The following CREG2 variants were observed in gnomAD, a reference collection of about 807,000 sequenced individuals.
CREG2 encodes the protein protein CREG2.
A neutral mutation model predicts 26.2 loss-of-function variants in CREG2; 24 were observed. The observed-to-expected ratio is 0.92, with a 90% CI of 0.66 to 1.29. The LOEUF (loss-of-function observed/expected upper bound fraction) is 1.29, where lower values mean the gene tolerates loss of function less well. CREG2 is among the 50% of genes most tolerant of loss of function. The pLI is 0.00. For synonymous variants in CREG2, 174 were observed against 169.2 expected (o/e 1.03, Z -0.22); for missense variants, 366 against 398.6 (o/e 0.92, Z 0.70).
chr2:101,378,973 T>C (rs1684830903), intron 2 of CREG2, among the ~76,000 whole-genome samples: 1 of 151,318 alleles, frequency 6.6e-6, no homozygotes, highest in African/African-American at 2.4e-5. Context: ...ACCACTGCAC[T>C]CTAGCCTGGG....
chr2:101,370,628 T>G (rs1319478985), intron 2 of CREG2, among the ~76,000 whole-genome samples: 1 of 152,202 alleles, frequency 6.6e-6, no homozygotes, highest in Non-Finnish European at 1.5e-5. Flanking sequence ...TCCTTGAAAG[T>G]GCAGATCCGA....
chr2:101,386,893 G>T, intron 1 of CREG2, 124 bp downstream of exon 1: 1 of 1,010,380 alleles, frequency 9.9e-7, no homozygotes, highest in South Asian at 5.1e-5. Flanking sequence ...GTCCCATCCA[G>T]GGCACCGGGC....
chr2:101,377,068 G>T (rs1248464409), intron 2 of CREG2, among the ~76,000 whole-genome samples: 2 of 152,076 alleles, frequency 1.3e-5, no homozygotes, highest in African/African-American at 4.8e-5. Flanking sequence ...ATTCTAAACT[G>T]AGACTTAATT....
intron 1 of CREG2, among the ~76,000 whole-genome samples, chr2:101,385,671 A>G (rs1349132757): frequency 6.6e-6 from 1 of 152,212 alleles, no homozygotes; most frequent in Non-Finnish European, 1.5e-5. Context: ...TTTTTCAGGA[A>G]CATGAAACGT....
At chr2:101,381,864 G>A (rs1404188334) in intron 2 of CREG2, among the ~76,000 whole-genome samples, 1 of 152,200 alleles carries the variant, frequency 6.6e-6, no homozygotes, top group Non-Finnish European at 1.5e-5. Flanking sequence ...CGTGGCTCTA[G>A]GCTGTGCAGG....
intron 2 of CREG2, among the ~76,000 whole-genome samples, chr2:101,361,280 C>T (rs928299817): frequency 6.6e-6 from 1 of 152,162 alleles, no homozygotes; most frequent in South Asian, 2.1e-4. Context: ...GGCTAATGGC[C>T]CCCCAAAGAT....
chr2:101,382,779 A>G (rs941182550), intron 2 of CREG2: 11 of 985,312 alleles, frequency 1.1e-5, no homozygotes, highest in Non-Finnish European at 1.2e-5. Context: ...TTGATTTTCT[A>G]AAGCATCACT....
chr2:101,351,363 A>G (rs1174548419), intron 3 of CREG2, among the ~76,000 whole-genome samples: 1 of 152,192 alleles, frequency 6.6e-6, no homozygotes, highest in African/African-American at 2.4e-5. Flanking sequence ...GGCACTCACA[A>G]GCCTCTGTCT....
At chr2:101,371,275 G>A (rs72988793) in intron 2 of CREG2, among the ~76,000 whole-genome samples, 2 of 152,256 alleles carry the variant, frequency 1.3e-5, no homozygotes, top group South Asian at 4.1e-4. Flanking sequence ...CGCCCTCCCT[G>A]CAGTGCCTGT....
chr2:101,361,179 T>C (rs190745872), intron 2 of CREG2, among the ~76,000 whole-genome samples: 28 of 152,334 alleles, frequency 1.8e-4, no homozygotes, highest in Non-Finnish European at 2.9e-5. Flanking sequence ...AAGGAGATTA[T>C]ATATTTTAAA....
intron 2 of CREG2, among the ~76,000 whole-genome samples, chr2:101,370,297 T>A (rs1684684983): frequency 6.6e-6 from 1 of 152,194 alleles, no homozygotes; most frequent in South Asian, 2.1e-4. Flanking sequence ...TTAATTTCCA[T>A]CTTTTTTTCT....
chr2:101,374,625 C>T (rs149485553), intron 2 of CREG2, among the ~76,000 whole-genome samples: 5 of 152,330 alleles, frequency 3.3e-5, no homozygotes, highest in African/African-American at 9.6e-5. Context: ...GACAGAGATA[C>T]GTCTTGGCTC....
At chr2:101,352,727 G>A (rs1045045508) in intron 3 of CREG2, among the ~76,000 whole-genome samples, 5 of 152,212 alleles carry the variant, frequency 3.3e-5, no homozygotes, top group Non-Finnish European at 5.9e-5. Context: ...AGACTCACTT[G>A]AACCCAGGAG....
chr2:101,354,489 C>A (rs1684425560), intron 3 of CREG2, among the ~76,000 whole-genome samples: 1 of 152,142 alleles, frequency 6.6e-6, no homozygotes, highest in African/African-American at 2.4e-5. Flanking sequence ...GATCGCCCCT[C>A]CAGCTCAACA....
intron 2 of CREG2, among the ~76,000 whole-genome samples, chr2:101,378,298 G>T (rs1049958165): frequency 1.3e-5 from 2 of 152,146 alleles, no homozygotes; most frequent in Non-Finnish European, 2.9e-5. Flanking sequence ...ACAGTTCTTA[G>T]TAGCCTTTAC....
In CREG2 at chr2:101,387,230, G is replaced by A. The variant is rs1684988069; in HGVS notation, c.228C>T (p.Ala76=). The change falls in exon 1 of 4, where the codon GCC becomes GCT. Residue 76 remains alanine (A), a synonymous_variant. Coordinates refer to ENST00000324768, the MANE Select transcript of CREG2 (RefSeq NM_153836.4). The surrounding 1 kb of genome is among the most constrained non-coding windows in gnomAD (Gnocchi z 4.7). ...GGTGCGCGTCCTCCTTGTGGGCAGA[G>A]GCGGGGAAGCTTTGCTGCCAGATGC... is the stretch of plus-strand genomic sequence containing the variant. ...SGSIWQQSFP[A]SAHKEDAHLR... 2.1e-6 allele frequency: 3 copies of A among 1,431,998 alleles called. No individual in the cohort carries two copies. Among genetic ancestry groups the A allele is most frequent in the African/African-American group, 2.9e-5 (2 of 68,034 alleles). The allele number at this position is 1,431,998 out of a possible 1,614,324, so 88.7% of individuals were successfully genotyped here. A position where few individuals can be genotyped will look rare whatever the true frequency, so the allele number is the denominator to read the frequency against.
Position 101,347,227 on chromosome 2 carries a change from A to C in CREG2, c.*3696T>G, listed in dbSNP as rs1200029204. 1 of 152,206 alleles carries C rather than the reference A, an allele frequency of 6.6e-6. No individual in the cohort carries two copies. The highest frequency in any genetic ancestry group is 1.5e-5 in the Non-Finnish European group (1 of 68,036). The allele number at this position is 152,206 out of a possible 1,614,324, so 9.4% of individuals were successfully genotyped here. Reference sequence around the variant, plus strand: ...CACTGTTTCACCAGCCACCCGTTAAAGGCCATCTGATTTCTCCAAGTTTTT... The same window carrying C: ...CACTGTTTCACCAGCCACCCGTTAACGGCCATCTGATTTCTCCAAGTTTTT... On this transcript the variant is annotated 3_prime_UTR_variant, in exon 4 of 4. Transcript: ENST00000324768.
At chr2:101,386,341 A>C (rs1029965444) in intron 1 of CREG2, among the ~76,000 whole-genome samples, 3 of 152,130 alleles carry the variant, frequency 2.0e-5, no homozygotes, top group Non-Finnish European at 4.4e-5. Flanking sequence ...TAAAACCCCC[A>C]AAAGCCTTCT....
At chr2:101,375,862 C>T (rs72988798) in intron 2 of CREG2, 26,186 of 154,186 alleles carry the variant, frequency 0.17, 2,549 homozygotes, top group African/African-American at 0.26. Flanking sequence ...GCCTATGCTG[C>T]GGCTGCACCC....
Sources: allele counts gnomAD v4.1 joint callset (sites outside exome capture counted in the v4.1 genomes callset), GRCh38; gene constraint gnomAD v4.1.1; non-coding constraint Gnocchi (gnomAD v3.1); transcripts MANE v1.5; gene names NCBI Gene and HGNC (gene_info 2026-07-23, HGNC 2026-07-21).